Variants in MOB4 observed in about 807,000 individuals in gnomAD.
MOB4 encodes the protein MOB-like protein phocein.
In MOB4, 4 loss-of-function variants were observed where a neutral mutation model predicts 32.2. The observed-to-expected ratio is 0.12, with a 90% confidence interval of 0.06 to 0.28. The LOEUF is 0.28. MOB4 is among the 10% of genes least tolerant of loss of function. The pLI, the probability that MOB4 is intolerant of heterozygous loss-of-function variation, is 1.00. For synonymous variants in MOB4, 88 were observed against 88.1 expected, an observed-to-expected ratio of 1.00 and a Z score of 0.01; for missense variants, 158 against 271.2, an observed-to-expected ratio of 0.58 and a Z score of 2.93.
At chr2:197,541,317 C>G (rs2086891749) in intron 5 of MOB4, among the ~76,000 whole-genome samples, 1 of 152,118 alleles carries the variant, frequency 6.6e-6, no homozygotes, top group African/African-American at 2.4e-5. Flanking sequence ...TTGCTTTTCC[C>G]TTAATCTGTA....
At chr2:197,516,781 A>AG (rs375265993) in intron 1 of MOB4, 55 of 470,522 alleles carry the variant, frequency 1.2e-4, no homozygotes, top group African/African-American at 1.1e-3. Context: ...ATATGCGTGA[A>AG]GCATAGTCAG....
At chr2:197,548,111 T>C (rs2087030346) in intron 5 of MOB4, among the ~76,000 whole-genome samples, 1 of 152,164 alleles carries the variant, frequency 6.6e-6, no homozygotes, top group Non-Finnish European at 1.5e-5. Context: ...GGAATAAAAA[T>C]GGGAGACTGG....
At position 197,535,521 on chromosome 2, in the gene MOB4, T is replaced by C; in HGVS notation, c.124-9T>C. 6.3e-7 allele frequency: 1 copy of C among 1,582,598 alleles called. No homozygotes were observed. On this transcript the variant is annotated splice_polypyrimidine_tract_variant and intron_variant, in intron 2 of 7. Coordinates refer to ENST00000323303, the MANE Select transcript of MOB4 (RefSeq NM_015387.5). ...ATTTAATTAACCATAAGAACTTCTT[T>C]GTTTTTAGTATATTCAACAGAACAT...
intron 3 of MOB4, among the ~76,000 whole-genome samples, chr2:197,536,736 G>C (rs1466684014): frequency 6.6e-6 from 1 of 151,400 alleles, no homozygotes; most frequent in Non-Finnish European, 1.5e-5. Context: ...CGAGTAGCTG[G>C]GACTACAGGC....
chr2:197,533,567 A>G (rs1335253925), intron 2 of MOB4, among the ~76,000 whole-genome samples: 1 of 151,992 alleles, frequency 6.6e-6, no homozygotes, highest in East Asian at 1.9e-4. Flanking sequence ...TCTACAAAAA[A>G]TACAAAAATT....
intron 1 of MOB4, 132 bp from the exon 2 acceptor site, chr2:197,523,492 C>T: frequency 1.2e-6 from 1 of 850,572 alleles, no homozygotes. Flanking sequence ...AATTTATTTC[C>T]TTATTTCACT....
At position 197,550,279 on chromosome 2, in the gene MOB4, A is replaced by C; in HGVS notation, c.439A>C (p.Ser147Arg). ...NSNKYFPSRV[S>R]IKESSVAKLG... Reference sequence around the variant, plus strand: ...TGGTTTCTTTTCTACTTCTAGGGTTAGCATAAAGGAATCATCTGTAGCGAA... The same window carrying C: ...TGGTTTCTTTTCTACTTCTAGGGTTCGCATAAAGGAATCATCTGTAGCGAA... Residue 147 changes from serine to arginine, a missense_variant, in exon 7 of 8, where the codon AGC (serine) becomes CGC (arginine). Ser to Arg is a moderately radical substitution (Grantham distance 110). Around this residue, in one of 6 missense-constraint regions of MOB4, gnomAD observed 22 missense variants for 61.2 expected, o/e 0.36. Transcript: ENST00000323303. The C allele has an allele frequency of 6.2e-7, 1 of 1,611,372 alleles. No individual in the cohort carries two copies. The highest frequency in any genetic ancestry group is 8.5e-7 in the Non-Finnish European group (1 of 1,179,380).
intron 1 of MOB4, 130 bp from the exon 2 acceptor site, chr2:197,523,494 T>C: frequency 1.2e-6 from 1 of 860,130 alleles, no homozygotes; most frequent in Non-Finnish European, 1.8e-6. Context: ...TTTATTTCCT[T>C]ATTTCACTGA....
At chr2:197,533,656 C>T (rs1186383985) in intron 2 of MOB4, 8 of 209,960 alleles carry the variant, frequency 3.8e-5, no homozygotes, top group Admixed American at 6.5e-5. Context: ...ACCCGGCAGG[C>T]GGAGGTTGCA....
chr2:197,547,269 G>A (rs1331354467), intron 5 of MOB4, among the ~76,000 whole-genome samples: 1 of 152,132 alleles, frequency 6.6e-6, no homozygotes, highest in African/African-American at 2.4e-5. Flanking sequence ...GTTCAAACCT[G>A]TGTTGTTCAA....
rs2087119437 is a variant in MOB4, at chr2:197,552,808, T to C, written c.*2162T>C. 6.6e-6 allele frequency: 1 copy of C among 152,272 alleles called. No individual in the cohort carries two copies. The highest frequency in any genetic ancestry group is 6.6e-5 in the Admixed American group (1 of 15,264). The allele number at this position is 152,272 out of a possible 1,614,324, so 9.4% of individuals were successfully genotyped here. On this transcript the variant is annotated 3_prime_UTR_variant, in exon 8 of 8. Coordinates refer to ENST00000323303, the MANE Select transcript of MOB4 (RefSeq NM_015387.5). The stretch of plus-strand genomic sequence containing the variant: ...AAAAATTAATGAGCCTGGCAAACCA[T>C]TGATTTATAAAAGTAAGTGTTCTAA...
At chr2:197,540,929 T>A (rs1262076527) in intron 5 of MOB4, among the ~76,000 whole-genome samples, 6 of 151,980 alleles carry the variant, frequency 3.9e-5, no homozygotes. Context: ...TGAGATGGAT[T>A]CTTACTCCGT....
intron 3 of MOB4, among the ~76,000 whole-genome samples, chr2:197,539,126 A>G (rs139475901): frequency 0.013 from 1,921 of 151,978 alleles, 18 homozygotes; most frequent in South Asian, 0.037. Flanking sequence ...AAATGATTCA[A>G]TTTTTCTGAT....
chr2:197,541,876 G>A (rs1171488103), intron 5 of MOB4, among the ~76,000 whole-genome samples: 2 of 151,846 alleles, frequency 1.3e-5, no homozygotes, highest in Non-Finnish European at 1.5e-5. Flanking sequence ...CCGAGATCCC[G>A]CCACTGCACT....
Position 197,551,310 on chromosome 2 carries a change from G to T in MOB4, c.*664G>T. On this transcript the variant is annotated 3_prime_UTR_variant, in exon 8 of 8. Coordinates refer to ENST00000323303, the MANE Select transcript of MOB4 (RefSeq NM_015387.5). ...ACATACAGGATGATCACAATGGTAA[G>T]GCACATAAATTATTTTCCCACTGGA... is the stretch of plus-strand genomic sequence containing the variant. The T allele has an allele frequency of 6.5e-6, 1 of 152,780 alleles. No homozygotes were observed. 9.5% of individuals were successfully genotyped at this position (152,780 alleles called of 1,614,324 possible). A position where few individuals can be genotyped will look rare whatever the true frequency, so the allele number is the denominator to read the frequency against.
At chr2:197,528,598 CT>C (rs1159596786) in intron 2 of MOB4, among the ~76,000 whole-genome samples, 1 of 147,082 alleles carries the variant, frequency 6.8e-6, no homozygotes, top group African/African-American at 2.5e-5. Flanking sequence ...TCCCAATTTT[CT>C]TTTTCTTTTT....
At chr2:197,540,318 T>A in intron 4 of MOB4, 33 bp from the exon 5 acceptor site, 9 of 1,496,642 alleles carry the variant, frequency 6.0e-6, no homozygotes, top group Non-Finnish European at 8.0e-6. Context: ...CATTATTATT[T>A]TACATATTAA....
intron 2 of MOB4, among the ~76,000 whole-genome samples, chr2:197,527,284 A>T (rs1004008644): frequency 6.6e-6 from 1 of 152,044 alleles, no homozygotes; most frequent in African/African-American, 2.4e-5. Context: ...TGCACACGAG[A>T]TGTCTTTCCA....
intron 1 of MOB4, among the ~76,000 whole-genome samples, chr2:197,519,529 G>A (rs1441059643): frequency 1.3e-5 from 2 of 152,302 alleles, no homozygotes; most frequent in African/African-American, 2.4e-5. Context: ...TGCAATGCGT[G>A]TTCTGTAAAT....
Sources: gnomAD v4.1 joint callset for allele counts (sites outside exome capture counted in the v4.1 genomes callset) on GRCh38, gnomAD v4.1.1 for gene constraint, gnomAD v4.1.1 regional missense constraint, MANE v1.5 for transcripts, NCBI Gene and HGNC (gene_info 2026-07-23, HGNC 2026-07-21) for gene names.